Variants in LRRC4C observed in about 807,000 individuals in gnomAD.
LRRC4C encodes leucine rich repeat containing 4C.
Under a neutral mutation model 33.6 loss-of-function variants are expected in LRRC4C, and 5 were observed. That is an observed-to-expected ratio of 0.15 (90% confidence interval 0.08 to 0.31). The LOEUF (loss-of-function observed/expected upper bound fraction) is 0.31. Ranked by LOEUF, LRRC4C falls within the 10% of genes least tolerant of loss-of-function variation. The pLI, the probability that LRRC4C is intolerant of heterozygous loss-of-function variation, is 1.00. For synonymous variants in LRRC4C, 329 were observed against 302.0 expected (o/e 1.09, Z -0.93); for missense variants, 560 against 796.7 (o/e 0.70, Z 3.58).
At chr11:40,994,666 T>C (rs1853831776) in intron 1 of LRRC4C, among the ~76,000 whole-genome samples, 2 of 152,132 alleles carry the variant, frequency 1.3e-5, no homozygotes, top group African/African-American at 2.4e-5. Context: ...AATTACATAT[T>C]ATGGCAACTA....
intron 2 of LRRC4C, among the ~76,000 whole-genome samples, chr11:40,684,671 AT>A (rs1239688471): frequency 1.3e-5 from 2 of 152,134 alleles, no homozygotes; most frequent in East Asian, 3.9e-4. Flanking sequence ...TAGTGAATTT[AT>A]TTGCAATTTA....
At chr11:40,577,977 G>T (rs372713138) in intron 3 of LRRC4C, among the ~76,000 whole-genome samples, 21 of 151,038 alleles carry the variant, frequency 1.4e-4, no homozygotes, top group African/African-American at 5.1e-4. Context: ...TGGGACTACA[G>T]GTACCCTCCA....
chr11:40,317,450 T>G (rs573013599), intron 4 of LRRC4C, among the ~76,000 whole-genome samples: 1 of 152,250 alleles, frequency 6.6e-6, no homozygotes, highest in Non-Finnish European at 1.5e-5. Context: ...ATGCTCTAGC[T>G]TGAAATTCTA....
chr11:40,834,012 T>TA (rs1211864462), intron 2 of LRRC4C, among the ~76,000 whole-genome samples: 1 of 152,156 alleles, frequency 6.6e-6, no homozygotes, highest in Admixed American at 6.6e-5. Context: ...CTGTTTGTTA[T>TA]ATGTGTACAC....
At chr11:40,297,189 T>C (rs1375178800) in intron 4 of LRRC4C, among the ~76,000 whole-genome samples, 4 of 152,234 alleles carry the variant, frequency 2.6e-5, no homozygotes, top group Admixed American at 2.6e-4. Context: ...GTTTATTAAT[T>C]GGATTTAACA....
chr11:41,057,235 T>A (rs925418524), intron 1 of LRRC4C, among the ~76,000 whole-genome samples: 1 of 152,190 alleles, frequency 6.6e-6, no homozygotes, highest in Non-Finnish European at 1.5e-5. Context: ...GGACAAAGCC[T>A]GGGTACTCTC....
At chr11:40,307,291 C>T (rs1242638259) in intron 4 of LRRC4C, among the ~76,000 whole-genome samples, 1 of 152,222 alleles carries the variant, frequency 6.6e-6, no homozygotes, top group East Asian at 1.9e-4. Flanking sequence ...CATAAACTGT[C>T]CCTTTCTTTC....
At chr11:41,128,802 T>C (rs1476206538) in intron 1 of LRRC4C, among the ~76,000 whole-genome samples, 1 of 152,018 alleles carries the variant, frequency 6.6e-6, no homozygotes, top group African/African-American at 2.4e-5. Context: ...CAAGCAGTTG[T>C]CTTTTGGTAC....
At chr11:41,049,907 T>C (rs903929765) in intron 1 of LRRC4C, among the ~76,000 whole-genome samples, 14 of 152,158 alleles carry the variant, frequency 9.2e-5, no homozygotes, top group Admixed American at 7.9e-4. Context: ...TTCTGGTACA[T>C]AGGTGACACT....
At chr11:41,025,037 T>C (rs1856245910) in intron 1 of LRRC4C, among the ~76,000 whole-genome samples, 1 of 151,570 alleles carries the variant, frequency 6.6e-6, no homozygotes, top group South Asian at 2.1e-4. Context: ...ACATAATAGA[T>C]AAATGTGTGT....
At chr11:41,099,917 A>G (rs1452803537) in intron 1 of LRRC4C, among the ~76,000 whole-genome samples, 1 of 152,182 alleles carries the variant, frequency 6.6e-6, no homozygotes, top group Non-Finnish European at 1.5e-5. Flanking sequence ...TGTAGATGAC[A>G]TAATTCTGTA....
chr11:40,184,242 A>G (rs1861232300), intron 5 of LRRC4C, among the ~76,000 whole-genome samples: 1 of 152,210 alleles, frequency 6.6e-6, no homozygotes, highest in Non-Finnish European at 1.5e-5. Context: ...AAATTGGCTC[A>G]TGGGATCAAG....
In LRRC4C at chr11:40,131,669, A is replaced by T. The variant is rs58254664; in HGVS notation, c.-43+9132T>A. 6.7e-3 allele frequency among the ~76,000 whole-genome samples: 1,020 copies of T among 152,248 alleles called. 5 individuals carry two copies. The highest frequency in any genetic ancestry group is 0.024 in the African/African-American group (990 of 41,550). ...GAGTGTTGTGATTTTGGACTCTATTATTGTGAGGATAAATGAGTTAATATA... is the reference window on the plus strand; with the variant it reads ...GAGTGTTGTGATTTTGGACTCTATTTTTGTGAGGATAAATGAGTTAATATA... On this transcript the variant is annotated intron_variant, in intron 6 of 6. Coordinates refer to ENST00000528697, the MANE Select transcript of LRRC4C (RefSeq NM_001258419.2).
At chr11:40,411,473 C>T (rs1049016423) in intron 3 of LRRC4C, among the ~76,000 whole-genome samples, 1 of 152,098 alleles carries the variant, frequency 6.6e-6, no homozygotes, top group Non-Finnish European at 1.5e-5. Flanking sequence ...TATCTAATCA[C>T]ATTGAAGATC....
chr11:40,800,976 C>T (rs970429038), intron 2 of LRRC4C, among the ~76,000 whole-genome samples: 5 of 152,082 alleles, frequency 3.3e-5, no homozygotes, highest in Non-Finnish European at 7.4e-5. Flanking sequence ...ACTACCTTGC[C>T]TTCCCCATTG....
chr11:40,990,231 T>TATATATATATATATATA (rs1555030574), intron 1 of LRRC4C, among the ~76,000 whole-genome samples: 1 of 78,226 alleles, frequency 1.3e-5, no homozygotes, highest in Non-Finnish European at 2.5e-5. Context: ...ATGTCAAGTT[T>TATATATATATATATATA]TATATATATA....
chr11:41,311,780 A>G (rs2137185727), intron 1 of LRRC4C, among the ~76,000 whole-genome samples: 1 of 152,326 alleles, frequency 6.6e-6, no homozygotes, highest in Non-Finnish European at 1.5e-5. Flanking sequence ...TAAAGCTATA[A>G]GATTTATCTC....
intron 1 of LRRC4C, among the ~76,000 whole-genome samples, chr11:41,237,228 T>C (rs1207022683): frequency 6.6e-6 from 1 of 152,220 alleles, no homozygotes; most frequent in Admixed American, 6.5e-5. Context: ...AAGCAGGTGT[T>C]ACTGTTTTCT....
At chr11:40,476,337 T>C (rs1277991735) in intron 3 of LRRC4C, among the ~76,000 whole-genome samples, 1 of 110,620 alleles carries the variant, frequency 9.0e-6, no homozygotes. Flanking sequence ...CACATTTTTT[T>C]TCTTCTTTTT....
Sources: allele counts gnomAD v4.1 joint callset (sites outside exome capture counted in the v4.1 genomes callset), GRCh38; gene constraint gnomAD v4.1.1; transcripts MANE v1.5; gene names NCBI Gene and HGNC (gene_info 2026-07-23, HGNC 2026-07-21).